Variants in CCNA2 observed in about 807,000 individuals in gnomAD.
The protein encoded by CCNA2 is cyclin-A2.
Under a neutral mutation model 49.4 loss-of-function variants are expected in CCNA2, and 3 were observed. That is an observed-to-expected ratio of 0.06 (90% CI 0.03 to 0.16). The LOEUF is 0.16. Ranked by LOEUF, CCNA2 falls within the 10% of genes least tolerant of loss-of-function variation. The pLI is 1.00. For missense variants in CCNA2, 372 were observed against 519.7 expected (o/e 0.72, Z 2.76); for synonymous variants, 206 against 197.2 (o/e 1.04, Z -0.37).
At position 121,817,068 on chromosome 4, in the gene CCNA2, C is replaced by G. The variant is rs188327001; in HGVS notation, c.*570G>C. 2.0e-6 allele frequency: 1 copy of G among 501,192 alleles called. No individual in the cohort carries two copies. Among genetic ancestry groups the G allele is most frequent in the East Asian group, 3.6e-5 (1 of 27,444 alleles). The allele number at this position is 501,192 out of a possible 1,614,324, so 31.0% of individuals were successfully genotyped here. A position where few individuals can be genotyped will look rare whatever the true frequency, so the allele number is the denominator to read the frequency against. On this transcript the variant is annotated 3_prime_UTR_variant, in exon 8 of 8. Transcript: ENST00000274026. ...TATAAGCTTCCCACCCTCTTCCACT[C>G]CCAACCTCTGTTGAGTTTACCTCGC...
chr4:121,820,507 C>A lies in CCNA2; in HGVS notation c.794+35G>T, dbSNP rs3217763. 134 of 1,456,724 alleles carry A rather than the reference C, an allele frequency of 9.2e-5. No homozygotes were observed. Among genetic ancestry groups the A allele is most frequent in the Middle Eastern group, 1.8e-4 (1 of 5,638 alleles). 90.2% of individuals were successfully genotyped at this position (1,456,724 alleles called of 1,614,324 possible). On this transcript the variant is annotated intron_variant, in intron 4 of 7. Transcript: ENST00000274026. This position sits in a 1 kb window ranked among gnomAD's most constrained non-coding sequence, Gnocchi z 4.1. ...TCAATTTCTTCCCTAGACAAAAGGT[C>A]GTGATCACTTTTAAACAAACCAAGG...
Position 121,819,472 on chromosome 4 carries a change from A to G in CCNA2, c.902T>C (p.Val301Ala). The G allele has an allele frequency of 1.9e-6, 3 of 1,613,580 alleles. No homozygotes were observed. Among genetic ancestry groups the G allele is most frequent in the Non-Finnish European group, 2.5e-6 (3 of 1,179,496 alleles). ...VLRMEHLVLK[V>A]LTFDLAAPTV... ...TGGAGCAGCTAAGTCAAAAGTAAGG[A>G]CTTTCAAAACTAGATGCTCCATTCT... The change falls in exon 5 of 8, where the codon GTC becomes GCC. Residue 301 changes from valine (V) to alanine (A), a missense_variant. Physicochemically the swap from Val to Ala is moderately conservative, Grantham distance 64. Around this residue, in one of 2 missense-constraint regions of CCNA2, gnomAD observed 155 missense variants for 288.1 expected, o/e 0.54. Transcript: ENST00000274026.
At chr4:121,821,190 A>AC in intron 2 of CCNA2, 99 bp from the exon 3 acceptor site, 1 of 1,390,782 alleles carries the variant, frequency 7.2e-7, no homozygotes, top group Non-Finnish European at 9.5e-7. Context: ...TTAACAAAGC[A>AC]CTTATTTCTT....
intron 2 of CCNA2, among the ~76,000 whole-genome samples, chr4:121,821,725 A>G (rs1724697068): frequency 6.6e-6 from 1 of 152,202 alleles, no homozygotes; most frequent in East Asian, 1.9e-4. Context: ...AAACACACAA[A>G]TTATTATTTC....
In CCNA2 at chr4:121,819,520, G is replaced by T; in HGVS notation, c.854C>A (p.Thr285Asn). The T allele has an allele frequency of 6.2e-7, 1 of 1,613,738 alleles. No homozygotes were observed. Among genetic ancestry groups the T allele is most frequent in the Non-Finnish European group, 8.5e-7 (1 of 1,179,714 alleles). ...TCTCAGAACTTGTTTCTTGGTGTAG[G>T]TATCATCTGTAATGTACACAAACTC... ...VAEFVYITDD[T>N]YTKKQVLRME... Residue 285 changes from threonine (T) to asparagine (N), a missense_variant, in exon 5 of 8, where the codon ACC becomes AAC. By Grantham distance (65) the Thr-to-Asn change is moderately conservative (BLOSUM62 0). Around this residue, in one of 2 missense-constraint regions of CCNA2, gnomAD observed 155 missense variants for 288.1 expected, o/e 0.54. Transcript: ENST00000274026.
At chr4:121,818,388 C>A (rs1240843509) in intron 6 of CCNA2, among the ~76,000 whole-genome samples, 1 of 152,124 alleles carries the variant, frequency 6.6e-6, no homozygotes, top group Non-Finnish European at 1.5e-5. Context: ...AAAAGCTCAC[C>A]TTTCAATCCA....
At chr4:121,818,701 G>T in intron 6 of CCNA2, 99 bp downstream of exon 6, 1 of 768,424 alleles carries the variant, frequency 1.3e-6, no homozygotes, top group East Asian at 2.6e-5. Flanking sequence ...TTCCAAGTAA[G>T]AACATCTAGG....
chr4:121,816,975 A>G lies in CCNA2; in HGVS notation c.*663T>C. 1.8e-6 allele frequency: 2 copies of G among 1,085,572 alleles called. No individual in the cohort carries two copies. Among genetic ancestry groups the G allele is most frequent in the South Asian group, 2.1e-5 (1 of 47,196 alleles). 67.2% of individuals were successfully genotyped at this position (1,085,572 alleles called of 1,614,324 possible). ...TAAAATCTAGCAGGATTTTAAAAAT[A>G]GTTTTTTGTTTTTAATGTGCTTTAA... On this transcript the variant is annotated 3_prime_UTR_variant, in exon 8 of 8. Transcript: ENST00000274026.
chr4:121,823,881 G>A lies in CCNA2; in HGVS notation c.-253C>T, dbSNP rs943743217. On this transcript the variant is annotated 5_prime_UTR_variant, in exon 1 of 8. Coordinates refer to ENST00000274026, the MANE Select transcript of CCNA2 (RefSeq NM_001237.5). ...CGCCCAGAGATGCAGCGAGCAGCCCGCCGGAGCGGCGGCTGTTCTTGCAGT... is the reference window on the plus strand; with the variant it reads ...CGCCCAGAGATGCAGCGAGCAGCCCACCGGAGCGGCGGCTGTTCTTGCAGT... 1.9e-5 allele frequency: 11 copies of A among 576,856 alleles called. No homozygotes were observed. The highest frequency in any genetic ancestry group is 1.8e-4 in the Admixed American group (5 of 27,102). 35.7% of individuals were successfully genotyped at this position (576,856 alleles called of 1,614,324 possible).
At chr4:121,819,020 A>C in intron 5 of CCNA2, 107 bp from the exon 6 acceptor site, 1 of 681,928 alleles carries the variant, frequency 1.5e-6, no homozygotes, top group Admixed American at 2.4e-5. Context: ...CTCTGTAGCA[A>C]CTCTAGAAAA....
At position 121,816,562 on chromosome 4, in the gene CCNA2, T is replaced by C. The variant is rs1724520444; in HGVS notation, c.*1076A>G. 2 of 825,646 alleles carry C rather than the reference T, an allele frequency of 2.4e-6. No homozygotes were observed. The highest frequency in any genetic ancestry group is 3.7e-6 in the Non-Finnish European group (2 of 537,822). 51.1% of individuals were successfully genotyped at this position (825,646 alleles called of 1,614,324 possible). A position where few individuals can be genotyped will look rare whatever the true frequency, so the allele number is the denominator to read the frequency against. On this transcript the variant is annotated 3_prime_UTR_variant, in exon 8 of 8. Coordinates refer to ENST00000274026, the MANE Select transcript of CCNA2 (RefSeq NM_001237.5). ...GACTATAAACAAAAAGACATCCCTTTTTCATTAGAGATCCATCTGTTCTGT... is the reference window on the plus strand; with the variant it reads ...GACTATAAACAAAAAGACATCCCTTCTTCATTAGAGATCCATCTGTTCTGT...
At chr4:121,818,450 C>A (rs930117752) in intron 6 of CCNA2, among the ~76,000 whole-genome samples, 1 of 152,100 alleles carries the variant, frequency 6.6e-6, no homozygotes, top group South Asian at 2.1e-4. Context: ...GGTAACATGC[C>A]TTAAACAGTA....
At position 121,816,444 on chromosome 4, in the gene CCNA2, T is replaced by G; in HGVS notation, c.*1194A>C. 1 of 1,556,586 alleles carries G rather than the reference T, an allele frequency of 6.4e-7. No homozygotes were observed. Among genetic ancestry groups the G allele is most frequent in the Admixed American group, 2.0e-5 (1 of 51,080 alleles). ...GAACCAGACAAGAATCCAAAGAAAA[T>G]AAGGTAACAAATTTCTGGTTTATTT... On this transcript the variant is annotated 3_prime_UTR_variant, in exon 8 of 8. Coordinates refer to ENST00000274026, the MANE Select transcript of CCNA2 (RefSeq NM_001237.5).
chr4:121,821,156 G>C, intron 2 of CCNA2, 65 bp from the exon 3 acceptor site: 1 of 1,547,366 alleles, frequency 6.5e-7, no homozygotes, highest in Non-Finnish European at 8.7e-7. Context: ...AGCTAAAAAT[G>C]ACTGCCATGG....
In CCNA2 at chr4:121,817,170, A is replaced by C. The variant is rs889194625; in HGVS notation, c.*468T>G. On this transcript the variant is annotated 3_prime_UTR_variant, in exon 8 of 8. Transcript: ENST00000274026. ...TACTGTATCTATCTCTGAATACTGT[A>C]TTCAGATATGCTTAGATTAGATTAT... is the stretch of plus-strand genomic sequence containing the variant. 3.7e-6 allele frequency: 1 copy of C among 273,238 alleles called. No individual in the cohort carries two copies. Among genetic ancestry groups the C allele is most frequent in the South Asian group, 6.1e-5 (1 of 16,456 alleles). 16.9% of individuals were successfully genotyped at this position (273,238 alleles called of 1,614,324 possible).
intron 1 of CCNA2, 92 bp from the exon 2 acceptor site, chr4:121,822,738 T>C (rs1724720711): frequency 1.0e-5 from 13 of 1,275,212 alleles, no homozygotes; most frequent in Non-Finnish European, 2.2e-6. Context: ...CCAAATACTC[T>C]ATCAGGAATT....
At position 121,823,581 on chromosome 4, in the gene CCNA2, C is replaced by G; in HGVS notation, c.48G>C (p.Ser16=). ...CCGTCTGCTGCAATGCTAGCAGCGC[C>G]GAGCCCGCCTCGCGGGTCGCAGGCC... ...APGPATREAG[S]ALLALQQTAL... is the part of the protein sequence containing the mutation. The change falls in exon 1 of 8, where the codon TCG becomes TCC. Residue 16 remains serine, a synonymous_variant. Coordinates refer to ENST00000274026, the MANE Select transcript of CCNA2 (RefSeq NM_001237.5). The G allele has an allele frequency of 6.2e-7, 1 of 1,607,452 alleles. No individual in the cohort carries two copies. The highest frequency in any genetic ancestry group is 1.3e-5 in the African/African-American group (1 of 75,010).
Position 121,817,567 on chromosome 4 carries a change from CTAAGT to C in CCNA2, c.*66_*70del. 1 of 1,568,388 alleles carries C rather than the reference CTAAGT, an allele frequency of 6.4e-7. No individual in the cohort carries two copies. The highest frequency in any genetic ancestry group is 8.7e-7 in the Non-Finnish European group (1 of 1,153,424). Reference sequence around the variant, plus strand: ...TCAGAAATGATTGTAAAATTAAAACCTAAGTTAAAAACTGTACACCATATACTTTG... The same window carrying C: ...TCAGAAATGATTGTAAAATTAAAACCTAAAAACTGTACACCATATACTTTG... On this transcript the variant is annotated 3_prime_UTR_variant, in exon 8 of 8. Coordinates refer to ENST00000274026, the MANE Select transcript of CCNA2 (RefSeq NM_001237.5).
chr4:121,820,863 C>A lies in CCNA2; in HGVS notation c.571-98G>T. 1 of 1,241,104 alleles carries A rather than the reference C, an allele frequency of 8.1e-7. No individual in the cohort carries two copies. The highest frequency in any genetic ancestry group is 2.4e-5 in the East Asian group (1 of 42,368). 76.9% of individuals were successfully genotyped at this position (1,241,104 alleles called of 1,614,324 possible). On this transcript the variant is annotated intron_variant, in intron 3 of 7. Transcript: ENST00000274026. This position sits in a 1 kb window ranked among gnomAD's most constrained non-coding sequence, Gnocchi z 4.1. ...ATTACGAGAGGCTACATGCTATAAACTTAACTGTAGCATTAGAATAATTCA... is the reference window on the plus strand; with the variant it reads ...ATTACGAGAGGCTACATGCTATAAAATTAACTGTAGCATTAGAATAATTCA...
Sources: allele counts gnomAD v4.1 joint callset (sites outside exome capture counted in the v4.1 genomes callset), GRCh38; gene constraint gnomAD v4.1.1; regional missense constraint gnomAD v4.1.1; non-coding constraint Gnocchi (gnomAD v3.1); transcripts MANE v1.5; gene names NCBI Gene and HGNC (gene_info 2026-07-23, HGNC 2026-07-21).